HTR1F: variants seen among roughly 807,000 people sequenced by gnomAD.
HTR1F encodes the protein 5-hydroxytryptamine receptor 1F.
A neutral mutation model predicts 24.0 loss-of-function variants in HTR1F; 17 were observed. The observed-to-expected ratio is 0.71, with a 90% CI of 0.48 to 1.06. HTR1F has a LOEUF of 1.06. Ranked by LOEUF, HTR1F falls within the 50% of genes least tolerant of loss-of-function variation. The probability of loss-of-function intolerance (pLI) is 0.00; values close to 1 mark genes in which losing one functional copy is unlikely to be tolerated. For synonymous variants in HTR1F, 186 were observed against 156.8 expected (o/e 1.19, Z -1.39); for missense variants, 391 against 427.8 (o/e 0.91, Z 0.76).
intron 2 of HTR1F, among the ~76,000 whole-genome samples, chr3:87,941,369 G>C (rs562898179): frequency 2.0e-5 from 3 of 152,302 alleles, no homozygotes; most frequent in African/African-American, 7.2e-5. Flanking sequence ...CCTCACGGAG[G>C]GCCCTGGTGC....
At chr3:87,920,875 T>C (rs1703999231) in intron 2 of HTR1F, among the ~76,000 whole-genome samples, 1 of 152,006 alleles carries the variant, frequency 6.6e-6, no homozygotes, top group African/African-American at 2.4e-5. Context: ...GAACCTAAAA[T>C]AAAAGTTTTT....
intron 2 of HTR1F, among the ~76,000 whole-genome samples, chr3:87,940,787 T>C (rs1010593693): frequency 2.6e-5 from 4 of 152,182 alleles, no homozygotes; most frequent in African/African-American, 9.7e-5. Flanking sequence ...TATGGACCAA[T>C]GGAACATGGG....
intron 2 of HTR1F, among the ~76,000 whole-genome samples, chr3:87,855,036 CT>C (rs1371565279): frequency 3.9e-5 from 6 of 151,974 alleles, no homozygotes; most frequent in African/African-American, 1.4e-4. Flanking sequence ...TCATTGTTAT[CT>C]TCCCCCCACT....
chr3:87,850,446 C>T (rs528037449), intron 2 of HTR1F, among the ~76,000 whole-genome samples: 7 of 151,474 alleles, frequency 4.6e-5, no homozygotes, highest in South Asian at 2.1e-4. Flanking sequence ...CATCACACAC[C>T]GGGGCCTGTT....
chr3:87,821,757 G>A (rs910490619), intron 1 of HTR1F, among the ~76,000 whole-genome samples: 1 of 152,034 alleles, frequency 6.6e-6, no homozygotes, highest in Non-Finnish European at 1.5e-5. Context: ...AAAGGAATAA[G>A]CCAAATATTC....
chr3:87,948,773 C>A (rs1704770078), intron 2 of HTR1F, among the ~76,000 whole-genome samples: 1 of 152,136 alleles, frequency 6.6e-6, no homozygotes, highest in Admixed American at 6.5e-5. Context: ...GCCATCGTGC[C>A]CAGTCTTTTT....
chr3:87,968,455 A>ACCCATCTCACCCTCC (rs1323887489), intron 2 of HTR1F, among the ~76,000 whole-genome samples: 20 of 152,036 alleles, frequency 1.3e-4, no homozygotes, highest in Non-Finnish European at 2.8e-4. Flanking sequence ...TCAGGTGATC[A>ACCCATCTCACCCTCC]CCCACCTCAC....
chr3:87,896,591 C>A (rs1706203701), intron 2 of HTR1F, among the ~76,000 whole-genome samples: 1 of 152,124 alleles, frequency 6.6e-6, no homozygotes, highest in Non-Finnish European at 1.5e-5. Flanking sequence ...AACTAAAATG[C>A]TTCTCCACAG....
intron 2 of HTR1F, among the ~76,000 whole-genome samples, chr3:87,890,062 A>G (rs1017167997): frequency 1.3e-5 from 2 of 152,238 alleles, no homozygotes; most frequent in Non-Finnish European, 2.9e-5. Flanking sequence ...GTACCCAGAT[A>G]TATACCTTGT....
chr3:87,957,320 A>T (rs1704965621), intron 2 of HTR1F, among the ~76,000 whole-genome samples: 1 of 151,376 alleles, frequency 6.6e-6, no homozygotes, highest in Non-Finnish European at 1.5e-5. Context: ...TGGTCAGGAT[A>T]TGTTATCTTT....
intron 2 of HTR1F, among the ~76,000 whole-genome samples, chr3:87,853,384 C>A (rs368692755): frequency 5.5e-4 from 84 of 152,162 alleles, no homozygotes; most frequent in African/African-American, 1.7e-3. Flanking sequence ...CATCCATGTT[C>A]CTGCAAAGGA....
chr3:87,983,137 A>G (rs1466005876), intron 2 of HTR1F, among the ~76,000 whole-genome samples: 1 of 152,222 alleles, frequency 6.6e-6, no homozygotes, highest in Non-Finnish European at 1.5e-5. Flanking sequence ...GCACACCCCT[A>G]AGTTGGACAT....
In HTR1F at chr3:87,931,586, A is replaced by G. The variant is rs535163504; in HGVS notation, c.-42-59122A>G. On this transcript the variant is annotated intron_variant, in intron 2 of 2. Transcript: ENST00000319595. ...CCCAGTAATGGGATGGCTGGATCAA[A>G]TGGTATATCTAGTTCTAGATCCCTG... is the stretch of plus-strand genomic sequence containing the variant. Among the ~76,000 whole-genome samples, 4 of 152,292 alleles carry G rather than the reference A, an allele frequency of 2.6e-5. No individual in the cohort carries two copies. The South Asian group carries it at 6.2e-4, about 24-fold the overall frequency.
chr3:87,856,728 A>C (rs923477), intron 2 of HTR1F, among the ~76,000 whole-genome samples: 67,738 of 152,008 alleles, frequency 0.45, 18,717 homozygotes, highest in African/African-American at 0.79. Context: ...ATACAACTAA[A>C]CACTTTTTTC....
rs1704474741 is a variant in HTR1F at position 87,938,187 on chromosome 3, AC to A, written c.-42-52520del. Among the ~76,000 whole-genome samples the A allele has an allele frequency of 2.0e-5, 3 of 152,302 alleles. No homozygotes were observed. The South Asian group carries it at 6.2e-4, about 32-fold the overall frequency. Reference sequence around the variant, plus strand: ...CCAAATCAGGAACACAGTCCCGTTCACAATTGGCAAAAAGGATAAAGTACCT... The same window carrying A: ...CCAAATCAGGAACACAGTCCCGTTCAAATTGGCAAAAAGGATAAAGTACCT... On this transcript the variant is annotated intron_variant, in intron 2 of 2. Transcript: ENST00000319595.
intron 2 of HTR1F, among the ~76,000 whole-genome samples, chr3:87,846,339 C>A (rs1431005238): frequency 2.0e-5 from 3 of 151,720 alleles, no homozygotes; most frequent in African/African-American, 7.3e-5. Context: ...GAGGCTGAGG[C>A]AGCAGAATCT....
chr3:87,936,129 C>T (rs966178436), intron 2 of HTR1F, among the ~76,000 whole-genome samples: 7 of 152,304 alleles, frequency 4.6e-5, no homozygotes, highest in Middle Eastern at 3.4e-3. Flanking sequence ...GGATTACAGG[C>T]GTGAGCCACT....
intron 2 of HTR1F, among the ~76,000 whole-genome samples, chr3:87,909,723 CCA>C (rs989034356): frequency 6.6e-6 from 1 of 151,956 alleles, no homozygotes; most frequent in African/African-American, 2.4e-5. Context: ...ACAGACAGCC[CCA>C]GAGTCTTTAG....
chr3:87,813,600 G>A lies in HTR1F; in HGVS notation c.-159-8408G>A, dbSNP rs1040022559. 1.3e-4 allele frequency among the ~76,000 whole-genome samples: 20 copies of A among 152,254 alleles called. No individual in the cohort carries two copies. The South Asian group carries it at 2.1e-3, about 16-fold the overall frequency. On this transcript the variant is annotated intron_variant, in intron 1 of 2. Transcript: ENST00000319595. Reference sequence around the variant, plus strand: ...TGAAAAGACATGAGATTTGGGAAGGGCCAGGGGCAGAATGATATTGTTTGG... The same window carrying A: ...TGAAAAGACATGAGATTTGGGAAGGACCAGGGGCAGAATGATATTGTTTGG...
Sources: allele counts gnomAD v4.1 joint callset (sites outside exome capture counted in the v4.1 genomes callset), GRCh38; gene constraint gnomAD v4.1.1; transcripts MANE v1.5; gene names NCBI Gene and HGNC (gene_info 2026-07-23, HGNC 2026-07-21).